Variants in MICAL2 observed in about 807,000 individuals in gnomAD.
The protein encoded by MICAL2 is [F-actin]-monooxygenase MICAL2.
MICAL2 carries 77 observed loss-of-function variants against 127.3 expected under a neutral mutation model. The observed-to-expected ratio is 0.60, with a 90% CI of 0.50 to 0.73. The LOEUF (loss-of-function observed/expected upper bound fraction) is 0.73, where lower values mean the gene tolerates loss of function less well. Ranked by LOEUF, MICAL2 falls within the 30% of genes least tolerant of loss-of-function variation. The pLI, the probability that MICAL2 is intolerant of heterozygous loss-of-function variation, is 0.00. For missense variants in MICAL2, 1,351 were observed against 1,434.4 expected (o/e 0.94, Z 0.94); for synonymous variants, 570 against 551.1 (o/e 1.03, Z -0.48).
downstream of MICAL2, chr11:12,295,001 GA>G (rs1475579951): frequency 2.4e-6 from 3 of 1,246,926 alleles, no homozygotes; most frequent in Admixed American, 3.6e-5. Context: ...CAAAAAATTT[GA>G]AAAAAATCTG....
chr11:12,148,716 C>T (rs1023604520), intron 2 of MICAL2, among the ~76,000 whole-genome samples: 3 of 152,176 alleles, frequency 2.0e-5, no homozygotes, highest in African/African-American at 7.2e-5. Flanking sequence ...AGCTTCAGAA[C>T]GCACAGTCAG....
At chr11:12,294,360 G>A (rs370981648), downstream of MICAL2, 74 of 1,614,144 alleles carry the variant, frequency 4.6e-5, no homozygotes, top group East Asian at 1.0e-3. Context: ...GCCTGCACTC[G>A]CTCATTCAGC....
At chr11:12,220,116 T>C in intron 8 of MICAL2, 85 bp from the exon 9 acceptor site, 1 of 1,539,374 alleles carries the variant, frequency 6.5e-7, no homozygotes, top group East Asian at 2.2e-5. Flanking sequence ...TAGGGACCCA[T>C]TCCAAGTCCT....
chr11:12,357,959 G>A (rs191144600), intron 34 of MICAL2, among the ~76,000 whole-genome samples: 7 of 152,286 alleles, frequency 4.6e-5, no homozygotes, highest in Admixed American at 1.3e-4. Flanking sequence ...TATGGAAACC[G>A]CCTTTTTTGT....
intron 3 of MICAL2, 62 bp downstream of exon 3, chr11:12,162,481 A>G: frequency 1.3e-6 from 2 of 1,587,286 alleles, no homozygotes; most frequent in African/African-American, 2.7e-5. Flanking sequence ...TTGGGAGGTT[A>G]GGAAGCTGTT....
At position 12,169,603 on chromosome 11, in the gene MICAL2, C is replaced by T. The variant is rs1855983891; in HGVS notation, c.264+7184C>T. 1.3e-5 allele frequency among the ~76,000 whole-genome samples: 2 copies of T among 152,146 alleles called. 1 individual carries two copies. Among genetic ancestry groups the T allele is most frequent in the South Asian group, 4.1e-4 (2 of 4,828 alleles). Reference sequence around the variant, plus strand: ...GTTTCACCATGTTGGCCAGGCTGGTCTCAAACTCCTGCCCTTGTGATCTGC... The same window carrying T: ...GTTTCACCATGTTGGCCAGGCTGGTTTCAAACTCCTGCCCTTGTGATCTGC... On this transcript the variant is annotated intron_variant, in intron 3 of 27. Transcript: ENST00000683283.
intron 6 of MICAL2, among the ~76,000 whole-genome samples, chr11:12,211,673 T>C (rs1007227844): frequency 6.6e-6 from 1 of 152,146 alleles, no homozygotes; most frequent in Non-Finnish European, 1.5e-5. Context: ...CCATCTGTTG[T>C]GTGGAACCCC....
chr11:12,244,421 A>G (rs1055130827), intron 21 of MICAL2, among the ~76,000 whole-genome samples: 3 of 152,246 alleles, frequency 2.0e-5, no homozygotes, highest in African/African-American at 4.8e-5. Context: ...CCCTTACTAC[A>G]GTTGAGATGG....
intron 1 of MICAL2, among the ~76,000 whole-genome samples, chr11:12,133,343 A>G (rs937146268): frequency 1.6e-4 from 24 of 152,280 alleles, no homozygotes; most frequent in African/African-American, 5.5e-4. Flanking sequence ...CGGGCTCCCA[A>G]AGTGCTGGGA....
intron 29 of MICAL2, among the ~76,000 whole-genome samples, chr11:12,302,130 C>T (rs1319055774): frequency 2.6e-5 from 4 of 152,092 alleles, no homozygotes; most frequent in Non-Finnish European, 5.9e-5. Context: ...TTTGTTTAAG[C>T]CTTTTAATGT....
At chr11:12,332,902 G>T in intron 32 of MICAL2, among the ~76,000 whole-genome samples, 1 of 152,208 alleles carries the variant, frequency 6.6e-6, no homozygotes, top group East Asian at 1.9e-4. Flanking sequence ...TTGCAGTTTG[G>T]CTCACTCAGC....
chr11:12,148,416 T>C (rs757513551), intron 2 of MICAL2, among the ~76,000 whole-genome samples: 1 of 151,934 alleles, frequency 6.6e-6, no homozygotes, highest in Non-Finnish European at 1.5e-5. Context: ...AGGGTTTGGA[T>C]TTGTACAAGG....
intron 8 of MICAL2, among the ~76,000 whole-genome samples, chr11:12,219,528 CAAAAAAAAAAAAAAAA>C (rs11316414): frequency 6.2e-5 from 3 of 48,606 alleles, no homozygotes; most frequent in Non-Finnish European, 1.1e-4. Context: ...AACTCCATCT[CAAAAAAAAAAAAAAAA>C]AAAAAAAAAA....
At chr11:12,180,351 T>TA (rs1565108124) in intron 3 of MICAL2, among the ~76,000 whole-genome samples, 9 of 92,704 alleles carry the variant, frequency 9.7e-5, no homozygotes, top group African/African-American at 3.8e-4. Context: ...ATGTATATAT[T>TA]TTTTTTTTGG....
At position 12,221,604 on chromosome 11, in the gene MICAL2, C is replaced by A; in HGVS notation, c.1207-40C>A. ...TCCAATGAGATCATAGATCGGGAGTCATCAGAATCAACTGGAATTTTGCAC... is the reference window on the plus strand; with the variant it reads ...TCCAATGAGATCATAGATCGGGAGTAATCAGAATCAACTGGAATTTTGCAC... On this transcript the variant is annotated intron_variant, in intron 9 of 27. Coordinates refer to ENST00000683283, the MANE Select transcript of MICAL2 (RefSeq NM_001282663.2). 2.1e-6 allele frequency: 3 copies of A among 1,402,522 alleles called. No homozygotes were observed. In the South Asian group the frequency reaches 3.6e-5, roughly 17 times the overall value. 86.9% of individuals were successfully genotyped at this position (1,402,522 alleles called of 1,614,324 possible). A position where few individuals can be genotyped will look rare whatever the true frequency, so the allele number is the denominator to read the frequency against.
At chr11:12,151,450 C>T (rs1367554069) in intron 2 of MICAL2, among the ~76,000 whole-genome samples, 16 of 152,088 alleles carry the variant, frequency 1.1e-4, no homozygotes, top group Admixed American at 8.5e-4. Flanking sequence ...TTTGACATAC[C>T]CACTCCTAAT....
downstream of MICAL2, among the ~76,000 whole-genome samples, chr11:12,288,114 C>T (rs572518693): frequency 7.2e-5 from 11 of 152,328 alleles, no homozygotes; most frequent in East Asian, 2.1e-3. Flanking sequence ...GACAGGGGCA[C>T]CTTGGGAGCA....
chr11:12,332,320 A>G (rs1338224302), intron 32 of MICAL2, among the ~76,000 whole-genome samples: 2 of 152,238 alleles, frequency 1.3e-5, no homozygotes, highest in East Asian at 3.8e-4. Flanking sequence ...TCAGCAGAGC[A>G]GGGGAAGGGT....
chr11:12,212,948 T>C (rs1855681314), intron 6 of MICAL2, among the ~76,000 whole-genome samples: 1 of 152,252 alleles, frequency 6.6e-6, no homozygotes, highest in Non-Finnish European at 1.5e-5. Context: ...TGAGTGTATC[T>C]AGCAACAATG....
Sources: gnomAD v4.1 joint callset for allele counts (sites outside exome capture counted in the v4.1 genomes callset) on GRCh38, gnomAD v4.1.1 for gene constraint, MANE v1.5 for transcripts, NCBI Gene and HGNC (gene_info 2026-07-23, HGNC 2026-07-21) for gene names.